The following WDPCP variants were observed in gnomAD, a reference collection of about 807,000 sequenced individuals.
WDPCP encodes the protein WD repeat containing planar cell polarity effector.
Under a neutral mutation model 93.1 loss-of-function variants are expected in WDPCP, and 71 were observed. The ratio of observed to expected loss-of-function variants is 0.76; its 90% CI spans 0.63 to 0.93. The LOEUF is 0.93. Among genes scored for constraint, WDPCP ranks in the 40% least tolerant of loss-of-function variants. WDPCP has a pLI of 0.00. For synonymous variants in WDPCP, 315 were observed against 315.0 expected (o/e 1.00, Z 0.00); for missense variants, 844 against 887.4 (o/e 0.95, Z 0.62).
chr2:63,326,353 C>T (rs1024791067), intron 12 of WDPCP, among the ~76,000 whole-genome samples: 10 of 152,018 alleles, frequency 6.6e-5, no homozygotes, highest in Admixed American at 1.3e-4. Flanking sequence ...GATGGAGGTT[C>T]GTTTGTGGAG....
At chr2:63,532,154 T>C (rs1413495853) in intron 1 of WDPCP, among the ~76,000 whole-genome samples, 1 of 151,394 alleles carries the variant, frequency 6.6e-6, no homozygotes, top group African/African-American at 2.4e-5. Context: ...AGAAGAGAAG[T>C]TGAGAGAAAA....
intron 6 of WDPCP, among the ~76,000 whole-genome samples, chr2:63,467,004 T>TA (rs1205157670): frequency 1.3e-5 from 2 of 152,184 alleles, no homozygotes; most frequent in African/African-American, 4.8e-5. Context: ...GATACAAAGA[T>TA]ATATTATTAA....
At chr2:63,624,153 C>T (rs947982639) in intron 3 of WDPCP, among the ~76,000 whole-genome samples, 11 of 152,266 alleles carry the variant, frequency 7.2e-5, no homozygotes, top group South Asian at 2.1e-4. Flanking sequence ...AAAGACACAA[C>T]GTATCAGAAT....
At chr2:63,162,392 C>T (rs1425191697) in intron 15 of WDPCP, among the ~76,000 whole-genome samples, 2 of 152,120 alleles carry the variant, frequency 1.3e-5, no homozygotes, top group Non-Finnish European at 2.9e-5. Flanking sequence ...GAGATCTGGA[C>T]ATTTCTGTAA....
intron 14 of WDPCP, among the ~76,000 whole-genome samples, chr2:63,242,813 A>G (rs1215784677): frequency 6.6e-6 from 1 of 152,114 alleles, no homozygotes; most frequent in Non-Finnish European, 1.5e-5. Context: ...GATATGTAAC[A>G]ACTCCTGGGT....
chr2:63,812,022 G>A (rs1670870105), intron 2 of WDPCP, among the ~76,000 whole-genome samples: 1 of 151,938 alleles, frequency 6.6e-6, no homozygotes, highest in Non-Finnish European at 1.5e-5. Context: ...ATACCACCAT[G>A]CCCAGCTAAT....
chr2:63,382,437 A>G (rs182591503), intron 10 of WDPCP, among the ~76,000 whole-genome samples: 2 of 152,246 alleles, frequency 1.3e-5, no homozygotes, highest in African/African-American at 4.8e-5. Context: ...GACAATAAGT[A>G]CTAGCAAAAA....
At position 63,575,463 on chromosome 2, in the gene WDPCP, A is replaced by G. The variant is rs1275757337; in HGVS notation, c.75+12734T>C. On this transcript the variant is annotated intron_variant, in intron 1 of 17. Coordinates refer to ENST00000272321, the MANE Select transcript of WDPCP (RefSeq NM_015910.7). ...AGTGTATACACTGTATATACAGTAT[A>G]TATGCAGTATATACAGTGTATATAT... 1.6e-3 allele frequency among the ~76,000 whole-genome samples: 47 copies of G among 29,138 alleles called. 3 individuals carry two copies. Among genetic ancestry groups the G allele is most frequent in the African/African-American group, 9.0e-3 (43 of 4,762 alleles). The allele number at this position is 29,138 out of a possible 152,430, so 19.1% of individuals were successfully genotyped here. A position where few individuals can be genotyped will look rare whatever the true frequency, so the allele number is the denominator to read the frequency against.
At chr2:63,758,330 T>C (rs1669999061) in intron 2 of WDPCP, among the ~76,000 whole-genome samples, 1 of 151,930 alleles carries the variant, frequency 6.6e-6, no homozygotes, top group Admixed American at 6.6e-5. Context: ...AGAAAAACAC[T>C]GAAATTATGA....
At chr2:63,556,407 C>G (rs1706125914) in intron 1 of WDPCP, among the ~76,000 whole-genome samples, 1 of 152,136 alleles carries the variant, frequency 6.6e-6, no homozygotes, top group Non-Finnish European at 1.5e-5. Context: ...AGAATGGAAC[C>G]AAGTTGGAAA....
intron 14 of WDPCP, among the ~76,000 whole-genome samples, chr2:63,221,918 C>G (rs1388911958): frequency 6.6e-6 from 1 of 152,136 alleles, no homozygotes; most frequent in African/African-American, 2.4e-5. Context: ...ATGAAATAAC[C>G]TGCAAATCCT....
intron 15 of WDPCP, among the ~76,000 whole-genome samples, chr2:63,173,639 A>G (rs1013491169): frequency 6.6e-6 from 1 of 152,178 alleles, no homozygotes; most frequent in African/African-American, 2.4e-5. Flanking sequence ...TCATGAATAA[A>G]TGCTTCTCAA....
intron 2 of WDPCP, among the ~76,000 whole-genome samples, chr2:63,795,956 G>T (rs1040986877): frequency 6.6e-6 from 1 of 152,166 alleles, no homozygotes; most frequent in Non-Finnish European, 1.5e-5. Context: ...TCTCCAAAGA[G>T]GTAAATCCTG....
chr2:63,704,060 C>G (rs921100509), intron 2 of WDPCP, among the ~76,000 whole-genome samples: 2 of 152,144 alleles, frequency 1.3e-5, no homozygotes, highest in African/African-American at 4.8e-5. Flanking sequence ...CTCTTTGAAG[C>G]AATTGTGAAT....
At chr2:63,502,800 T>G (rs1207629730) in intron 1 of WDPCP, among the ~76,000 whole-genome samples, 2 of 149,584 alleles carry the variant, frequency 1.3e-5, no homozygotes, top group African/African-American at 4.9e-5. Flanking sequence ...AAACTGGGCA[T>G]AACATAAAAA....
At chr2:63,626,336 A>C (rs769883810) in intron 3 of WDPCP, among the ~76,000 whole-genome samples, 6 of 152,224 alleles carry the variant, frequency 3.9e-5, no homozygotes, top group Admixed American at 1.3e-4. Flanking sequence ...AAATTGACAA[A>C]TTGGATCTAA....
chr2:63,836,526 G>A, the WDPCP span, among the ~76,000 whole-genome samples: 1 of 152,034 alleles, frequency 6.6e-6, no homozygotes, highest in African/African-American at 2.4e-5. Flanking sequence ...GGTAAAAGAT[G>A]GTTTCTTATT....
intron 3 of WDPCP, chr2:63,622,615 T>C: frequency 6.2e-7 from 1 of 1,613,886 alleles, no homozygotes. Context: ...TGAGCAACAT[T>C]GGCAGGAAAT....
intron 17 of WDPCP, among the ~76,000 whole-genome samples, chr2:63,136,727 A>G (rs1190590358): frequency 1.3e-5 from 2 of 152,014 alleles, no homozygotes; most frequent in African/African-American, 4.8e-5. Context: ...GTACCCTCCA[A>G]TAGGCCTCAT....
Sources: allele counts gnomAD v4.1 joint callset (sites outside exome capture counted in the v4.1 genomes callset), GRCh38; gene constraint gnomAD v4.1.1; transcripts MANE v1.5; gene names NCBI Gene and HGNC (gene_info 2026-07-23, HGNC 2026-07-21).